Variants in MRPL38 observed in about 807,000 individuals in gnomAD.
MRPL38 encodes the protein mitochondrial ribosomal protein L38.
Under a neutral mutation model 52.1 loss-of-function variants are expected in MRPL38, and 51 were observed. The observed-to-expected ratio is 0.98, with a 90% CI of 0.78 to 1.24. The LOEUF is 1.24. MRPL38 is among the 50% of genes most tolerant of loss of function. The pLI, the probability that MRPL38 is intolerant of heterozygous loss-of-function variation, is 0.00. For missense variants in MRPL38, 527 were observed against 518.6 expected (o/e 1.02, Z -0.16); for synonymous variants, 245 against 212.7 (o/e 1.15, Z -1.32).
At position 75,901,260 on chromosome 17, in the gene MRPL38, G is replaced by T; in HGVS notation, c.605C>A (p.Pro202Gln). The T allele has an allele frequency of 1.2e-6, 2 of 1,613,360 alleles. No individual in the cohort carries two copies. The highest frequency in any genetic ancestry group is 3.3e-5 in the Admixed American group (2 of 59,976). The change falls in exon 5 of 9, where the codon CCA becomes CAA. Residue 202 changes from proline to glutamine, a missense_variant. Physicochemically the swap from Pro to Gln is moderately conservative, Grantham distance 76. Coordinates refer to ENST00000309352, the MANE Select transcript of MRPL38 (RefSeq NM_032478.4). The surrounding 1 kb of genome is among the most constrained non-coding windows in gnomAD (Gnocchi z 5.7). Reference protein sequence around the residue: ...EVTPTEAAQAPEVTYEAEEGS... With the variant: ...EVTPTEAAQAQEVTYEAEEGS... ...CTCTTCTGCCTCATAGGTCACCTCT[G>T]GCGCTTGGGCAGCCTGGCAGGGTGA... is the stretch of plus-strand genomic sequence containing the variant.
At chr17:75,904,768 C>CCGGGGGGGGGGGGGGG in intron 1 of MRPL38, 41 bp downstream of exon 1, 2 of 1,056,376 alleles carry the variant, frequency 1.9e-6, no homozygotes, top group Non-Finnish European at 1.2e-6. Flanking sequence ...GCTCGGGCGA[C>CCGGGGGGGGGGGGGGG]AGCCCCCCCC....
intron 2 of MRPL38, among the ~76,000 whole-genome samples, chr17:75,903,638 A>C (rs1055744096): frequency 6.6e-6 from 1 of 152,206 alleles, no homozygotes; most frequent in Non-Finnish European, 1.5e-5. Flanking sequence ...TAACCACCAC[A>C]AAACTGCCTC....
At chr17:75,902,997 A>G (rs548916501) in intron 2 of MRPL38, among the ~76,000 whole-genome samples, 253 of 152,268 alleles carry the variant, frequency 1.7e-3, no homozygotes, top group Non-Finnish European at 3.4e-3. Flanking sequence ...GTCATGGGAA[A>G]CTGAAGTCAA....
chr17:75,900,731 A>AG (rs2144131586), intron 6 of MRPL38: 1 of 1,323,102 alleles, frequency 7.6e-7, no homozygotes, highest in East Asian at 2.9e-5. Flanking sequence ...AAAAAAAAAA[A>AG]AAAAAAAGAA....
chr17:75,900,859 A>AGGT (rs2065400665), intron 6 of MRPL38, 123 bp downstream of exon 6: 1 of 1,453,878 alleles, frequency 6.9e-7, no homozygotes, highest in African/African-American at 1.4e-5. Context: ...CAGGAGGCAG[A>AGGT]GGTGGCAGGT....
In MRPL38 at chr17:75,901,916, A is replaced by G. The variant is rs537491737; in HGVS notation, c.387T>C (p.Ser129=). 10 of 1,586,950 alleles carry G rather than the reference A, an allele frequency of 6.3e-6. No homozygotes were observed. In the East Asian group the frequency reaches 2.3e-4, roughly 37 times the overall value. Residue 129 remains serine (S), a synonymous_variant, in exon 4 of 9, where the codon AGT becomes AGC. Coordinates refer to ENST00000309352, the MANE Select transcript of MRPL38 (RefSeq NM_032478.4). This position sits in a 1 kb window ranked among gnomAD's most constrained non-coding sequence, Gnocchi z 5.7. ...EERAARLRTA[S]VPLDAVRAEW... is the part of the protein sequence containing the mutation. ...CGGCCCGCACGGCATCCAGCGGGAC[A>G]CTGGCTAGACAGGAATAAGGCCAGT...
rs114804172 is a variant in MRPL38 at position 75,901,081 on chromosome 17, C to A, written c.665-54G>T. The A allele has an allele frequency of 1.6e-3, 2,514 of 1,598,898 alleles. 30 individuals carry two copies. The African/African-American group carries it at 0.029, about 19-fold the overall frequency. ...GCCCAGCCGACCACGGCCCTGCCAC[C>A]CCCTCCCTTGTTAGGAGCCAGCGCT... On this transcript the variant is annotated intron_variant, in intron 5 of 8. Coordinates refer to ENST00000309352, the MANE Select transcript of MRPL38 (RefSeq NM_032478.4). This position sits in a 1 kb window ranked among gnomAD's most constrained non-coding sequence, Gnocchi z 5.7.
chr17:75,904,770 G>GGGGGCCCCCCCC, intron 1 of MRPL38, 39 bp downstream of exon 1: 3 of 500,008 alleles, frequency 6.0e-6, no homozygotes, highest in Non-Finnish European at 8.4e-6. Context: ...TCGGGCGACA[G>GGGGGCCCCCCCC]CCCCCCCCCC....
chr17:75,901,248 T>C lies in MRPL38; in HGVS notation c.617A>G (p.Tyr206Cys), dbSNP rs1656820897. The C allele has an allele frequency of 4.3e-6, 7 of 1,613,546 alleles. No homozygotes were observed. The highest frequency in any genetic ancestry group is 5.1e-6 in the Non-Finnish European group (6 of 1,179,824). ...TEAAQAPEVT[Y>C]EAEEGSLWTL... The stretch of plus-strand genomic sequence containing the variant: ...CCACAAGGAGCCCTCTTCTGCCTCA[T>C]AGGTCACCTCTGGCGCTTGGGCAGC... The change falls in exon 5 of 9, where the codon TAT (tyrosine) becomes TGT (cysteine). Residue 206 changes from tyrosine to cysteine, a missense_variant. Transcript: ENST00000309352. This position sits in a 1 kb window ranked among gnomAD's most constrained non-coding sequence, Gnocchi z 5.7.
chr17:75,904,660 T>C lies in MRPL38; in HGVS notation c.127A>G (p.Ser43Gly), dbSNP rs943532545. ...GPMPNSDIDL[S>G]NLERLEKYRS... ...TACTTCTCCAGCCGCTCCAGGTTGC[T>C]CAAGTCGATGTCACTGTTGGGCATC... The change falls in exon 2 of 9, where the codon AGC becomes GGC. Residue 43 changes from serine to glycine, a missense_variant. Coordinates refer to ENST00000309352, the MANE Select transcript of MRPL38 (RefSeq NM_032478.4). 9 of 1,597,698 alleles carry C rather than the reference T, an allele frequency of 5.6e-6. No individual in the cohort carries two copies. The highest frequency in any genetic ancestry group is 3.3e-4 in the Middle Eastern group (2 of 6,070).
At chr17:75,903,237 C>G (rs1270208062) in intron 2 of MRPL38, among the ~76,000 whole-genome samples, 4 of 152,086 alleles carry the variant, frequency 2.6e-5, no homozygotes. Flanking sequence ...GGTGAAACCC[C>G]ATCTCTACTA....
In MRPL38 at chr17:75,904,851, C is replaced by G; in HGVS notation, c.25G>C (p.Ala9Pro). 1 of 1,526,696 alleles carries G rather than the reference C, an allele frequency of 6.6e-7. No individual in the cohort carries two copies. Among genetic ancestry groups the G allele is most frequent in the Non-Finnish European group, 8.7e-7 (1 of 1,143,874 alleles). 94.6% of individuals were successfully genotyped at this position (1,526,696 alleles called of 1,614,324 possible). The change falls in exon 1 of 9, where the codon GCG becomes CCG. Residue 9 changes from alanine to proline, a missense_variant. Transcript: ENST00000309352. The stretch of plus-strand genomic sequence containing the variant: ...CGCCATCTCCGACACTCGCACAGCG[C>G]GGCTCGCCACCAGGGCGCCGCCATC... MAAPWWRA[A>P]LCECRRWRGF...
Position 75,902,141 on chromosome 17 carries a change from C to T in MRPL38, c.261G>A (p.Lys87=), listed in dbSNP as rs2144133759. 1 of 1,562,626 alleles carries T rather than the reference C, an allele frequency of 6.4e-7. No individual in the cohort carries two copies. The highest frequency in any genetic ancestry group is 8.7e-7 in the Non-Finnish European group (1 of 1,153,314). The change falls in exon 3 of 9, where the codon AAG becomes AAA. Residue 87 remains lysine (K), a synonymous_variant. Transcript: ENST00000309352. ...YFGEKTDPKE[K]IDIGLPPPKV... ...TGGGTGGAGGCAGCCCAATATCAAT[C>T]TTCTCTTTGGGATCTGGAGTGGGAA...
At position 75,898,874 on chromosome 17, in the gene MRPL38, A is replaced by T. The variant is rs145843502; in HGVS notation, c.1119T>A (p.His373Gln). 2 of 1,612,024 alleles carry T rather than the reference A, an allele frequency of 1.2e-6. No homozygotes were observed. Among genetic ancestry groups the T allele is most frequent in the Admixed American group, 1.7e-5 (1 of 59,910 alleles). ...CTTAGTAGATGCCATAGGTGGGCTC[A>T]TGACTGTCCCTGTACCGGTCCAGGT... ...LRYLDRYRDS[H>Q]EPTYGIY The change falls in exon 9 of 9, where the codon CAT (histidine) becomes CAA (glutamine). Residue 373 changes from histidine to glutamine, a missense_variant. His to Gln is a conservative substitution (Grantham distance 24). Transcript: ENST00000309352.
chr17:75,904,770 G>GGCCCCCCCCCCCC, intron 1 of MRPL38, 39 bp downstream of exon 1: 2 of 500,006 alleles, frequency 4.0e-6, no homozygotes, highest in East Asian at 5.2e-5. Flanking sequence ...TCGGGCGACA[G>GGCCCCCCCCCCCC]CCCCCCCCCC....
In MRPL38 at chr17:75,902,111, G is replaced by C. The variant is rs374878607; in HGVS notation, c.291C>G (p.Val97=). 8.8e-6 allele frequency: 14 copies of C among 1,591,532 alleles called. No homozygotes were observed. The highest frequency in any genetic ancestry group is 3.5e-5 in the Admixed American group (2 of 56,808). Residue 97 remains valine (V), a synonymous_variant, in exon 3 of 9, where the codon GTC becomes GTG. Transcript: ENST00000309352. ...KIDIGLPPPK[V]SRTQQLLERK... ...GTTCCAGTAGCTGTTGGGTCCGGGA[G>C]ACTTTGGGTGGAGGCAGCCCAATAT...
intron 6 of MRPL38, chr17:75,900,421 AG>A (rs2065398556): frequency 6.6e-6 from 1 of 152,660 alleles, no homozygotes; most frequent in South Asian, 2.1e-4. Flanking sequence ...TTACAGGTGA[AG>A]AAATGAGTTT....
Position 75,901,930 on chromosome 17 carries a change from A to G in MRPL38, c.383-10T>C. 6.2e-7 allele frequency: 1 copy of G among 1,610,316 alleles called. No individual in the cohort carries two copies. Among genetic ancestry groups the G allele is most frequent in the Non-Finnish European group, 8.5e-7 (1 of 1,178,204 alleles). ...TCCAGCGGGACACTGGCTAGACAGG[A>G]ATAAGGCCAGTTGGGATACGGGGGT... is the stretch of plus-strand genomic sequence containing the variant. On this transcript the variant is annotated splice_polypyrimidine_tract_variant and intron_variant, in intron 3 of 8. Transcript: ENST00000309352. The surrounding 1 kb of genome is among the most constrained non-coding windows in gnomAD (Gnocchi z 5.7).
At position 75,899,175 on chromosome 17, in the gene MRPL38, A is replaced by G. The variant is rs2065392117; in HGVS notation, c.989T>C (p.Ile330Thr). 1 of 1,604,148 alleles carries G rather than the reference A, an allele frequency of 6.2e-7. No homozygotes were observed. The highest frequency in any genetic ancestry group is 1.7e-5 in the Admixed American group (1 of 58,500). ...GCCCTTACCCAGAAGCTGGTGGAAG[A>G]TGTAGGTGACGGAGTCATCCCAGCG... ...QCRWDDSVTYIFHQLLDMREP... is the reference protein window; with the variant it reads ...QCRWDDSVTYTFHQLLDMREP... The change falls in exon 8 of 9, where the codon ATC becomes ACC. Residue 330 changes from isoleucine (I) to threonine (T), a missense_variant. Physicochemically the swap from Ile to Thr is moderately conservative, Grantham distance 89. Transcript: ENST00000309352.
Sources: allele counts gnomAD v4.1 joint callset (sites outside exome capture counted in the v4.1 genomes callset), GRCh38; gene constraint gnomAD v4.1.1; non-coding constraint Gnocchi (gnomAD v3.1); transcripts MANE v1.5; gene names NCBI Gene and HGNC (gene_info 2026-07-23, HGNC 2026-07-21).